The following FANCL variants were observed in gnomAD, a reference collection of about 807,000 sequenced individuals.
FANCL encodes the protein E3 ubiquitin-protein ligase FANCL.
FANCL carries 69 observed loss-of-function variants against 59.4 expected under a neutral mutation model. The ratio of observed to expected loss-of-function variants is 1.16; its 90% CI spans 0.96 to 1.42. The LOEUF (loss-of-function observed/expected upper bound fraction) is 1.42, where lower values mean the gene tolerates loss of function less well. FANCL is among the 40% of genes most tolerant of loss of function. The pLI, the probability that FANCL is intolerant of heterozygous loss-of-function variation, is 0.00. For missense variants in FANCL, 519 were observed against 447.2 expected (o/e 1.16, Z -1.45); for synonymous variants, 180 against 147.1 (o/e 1.22, Z -1.62).
intron 4 of FANCL, among the ~76,000 whole-genome samples, chr2:58,224,491 T>C (rs1692786275): frequency 6.6e-6 from 1 of 151,810 alleles, no homozygotes; most frequent in Admixed American, 6.6e-5. Context: ...TTTAAACTAT[T>C]ATTCTAATCT....
chr2:58,235,169 G>C (rs1693903454), intron 1 of FANCL, among the ~76,000 whole-genome samples: 1 of 151,866 alleles, frequency 6.6e-6, no homozygotes, highest in African/African-American at 2.4e-5. Flanking sequence ...GAAATGCATG[G>C]AGAGTAGAGA....
chr2:58,212,927 A>G (rs914337961), intron 5 of FANCL, among the ~76,000 whole-genome samples: 2 of 152,220 alleles, frequency 1.3e-5, no homozygotes, highest in African/African-American at 4.8e-5. Context: ...CTAAGGAAAG[A>G]AAGGGAAGCT....
chr2:58,236,420 T>A (rs750596891), intron 1 of FANCL, among the ~76,000 whole-genome samples: 134 of 151,316 alleles, frequency 8.9e-4, no homozygotes, highest in African/African-American at 3.1e-3. Context: ...AGGCAGACCA[T>A]GATAGATTTA....
At chr2:58,167,979 A>G (rs1382108342) in intron 7 of FANCL, among the ~76,000 whole-genome samples, 1 of 152,212 alleles carries the variant, frequency 6.6e-6, no homozygotes, top group Non-Finnish European at 1.5e-5. Flanking sequence ...CCCAAATTGA[A>G]AAAAATAAAT....
chr2:58,183,118 A>G (rs1442349001), intron 7 of FANCL, among the ~76,000 whole-genome samples: 1 of 151,844 alleles, frequency 6.6e-6, no homozygotes, highest in Admixed American at 6.6e-5. Flanking sequence ...CAATAGCAAA[A>G]TATCTGTACC....
rs1689469704 is a variant in FANCL at position 58,196,784 on chromosome 2, A to T, written c.540+1810T>A. On this transcript the variant is annotated intron_variant, in intron 7 of 13. Coordinates refer to ENST00000233741, the MANE Select transcript of FANCL (RefSeq NM_018062.4). Reference sequence around the variant, plus strand: ...ACATCTAAAACACAAAGAAACTCATAAACAGTGTATTTTTCAACCTTGGAA... The same window carrying T: ...ACATCTAAAACACAAAGAAACTCATTAACAGTGTATTTTTCAACCTTGGAA... Among the ~76,000 whole-genome samples the T allele has an allele frequency of 2.0e-5, 3 of 151,928 alleles. No individual in the cohort carries two copies. The South Asian group carries it at 6.2e-4, about 31-fold the overall frequency.
rs534593434 is a variant in FANCL, at chr2:58,215,888, C to G, written c.374+6054G>C. Among the ~76,000 whole-genome samples the G allele has an allele frequency of 4.0e-5, 6 of 151,358 alleles. No individual in the cohort carries two copies. In the East Asian group the frequency reaches 7.8e-4, roughly 20 times the overall value. On this transcript the variant is annotated intron_variant, in intron 5 of 13. Transcript: ENST00000233741. The stretch of plus-strand genomic sequence containing the variant: ...GGGAATAAGAGGATAAAAAGTCAAG[C>G]AGAAAGGCAATGAAAAACAAGATTT...
Position 58,204,032 on chromosome 2 carries a change from T to A in FANCL, c.471+98A>T, listed in dbSNP as rs896666790. ...TGTTTTAAAGCATGATATATGTATT[T>A]TTAGATGTAACTAGCACTTCTTTAC... is the stretch of plus-strand genomic sequence containing the variant. On this transcript the variant is annotated intron_variant, in intron 6 of 13. Coordinates refer to ENST00000233741, the MANE Select transcript of FANCL (RefSeq NM_018062.4). The A allele has an allele frequency of 3.3e-6, 3 of 921,344 alleles. No individual in the cohort carries two copies. The African/African-American group carries it at 4.9e-5, about 15-fold the overall frequency. 57.1% of individuals were successfully genotyped at this position (921,344 alleles called of 1,614,324 possible).
intron 7 of FANCL, among the ~76,000 whole-genome samples, chr2:58,168,350 G>C (rs1573542209): frequency 1.3e-5 from 2 of 152,284 alleles, no homozygotes; most frequent in African/African-American, 4.8e-5. Context: ...GCAAGGGGTT[G>C]GGGAGCTCCC....
chr2:58,232,742 G>C (rs1444452425), intron 1 of FANCL, among the ~76,000 whole-genome samples: 1 of 151,884 alleles, frequency 6.6e-6, no homozygotes, highest in African/African-American at 2.4e-5. Flanking sequence ...TCTAAGAGAA[G>C]AAAGACCTCT....
At chr2:58,233,577 G>C (rs959163979) in intron 1 of FANCL, among the ~76,000 whole-genome samples, 1 of 151,872 alleles carries the variant, frequency 6.6e-6, no homozygotes, top group African/African-American at 2.4e-5. Context: ...TCAGCCAGAA[G>C]ACAGGGTACA....
chr2:58,238,021 C>T (rs1281411083), intron 1 of FANCL, among the ~76,000 whole-genome samples: 1 of 152,188 alleles, frequency 6.6e-6, no homozygotes, highest in East Asian at 1.9e-4. Context: ...CAAACTGAGG[C>T]CTCATGGCCA....
chr2:58,217,215 T>C (rs201266814), intron 5 of FANCL, among the ~76,000 whole-genome samples: 68 of 20,834 alleles, frequency 3.3e-3, no homozygotes, highest in East Asian at 0.021. Context: ...TATATATATA[T>C]ACACACACAC....
intron 7 of FANCL, among the ~76,000 whole-genome samples, chr2:58,168,993 C>A (rs943180973): frequency 6.6e-6 from 1 of 152,100 alleles, no homozygotes; most frequent in African/African-American, 2.4e-5. Context: ...GGACAGAGCA[C>A]GTGGGGAAAG....
chr2:58,216,039 C>CA (rs1260827304), intron 5 of FANCL, among the ~76,000 whole-genome samples: 1 of 152,060 alleles, frequency 6.6e-6, no homozygotes, highest in African/African-American at 2.4e-5. Context: ...GCAATGCTAA[C>CA]AAAAAGTGAT....
chr2:58,222,300 T>C lies in FANCL; in HGVS notation c.274-258A>G, dbSNP rs115481403. On this transcript the variant is annotated intron_variant, in intron 4 of 13. Coordinates refer to ENST00000233741, the MANE Select transcript of FANCL (RefSeq NM_018062.4). ...GAGATTTTAATATTCTCCTGGACTA[T>C]TATGCCTATCGGAGATAAAAAAAAA... 0.011 allele frequency among the ~76,000 whole-genome samples: 1,538 copies of C among 142,276 alleles called. 30 individuals carry two copies. The highest frequency in any genetic ancestry group is 0.041 in the African/African-American group (1,472 of 36,128). The allele number at this position is 142,276 out of a possible 152,430, so 93.3% of individuals were successfully genotyped here. A position where few individuals can be genotyped will look rare whatever the true frequency, so the allele number is the denominator to read the frequency against.
chr2:58,215,083 C>A (rs895342320), intron 5 of FANCL, among the ~76,000 whole-genome samples: 1 of 152,174 alleles, frequency 6.6e-6, no homozygotes, highest in African/African-American at 2.4e-5. Flanking sequence ...TCCAACTATG[C>A]TCTAAAAAAC....
At chr2:58,166,568 G>C (rs1685973534) in intron 7 of FANCL, among the ~76,000 whole-genome samples, 1 of 152,008 alleles carries the variant, frequency 6.6e-6, no homozygotes, top group African/African-American at 2.4e-5. Context: ...TTAAACAAAG[G>C]AGTTTCTCAT....
At chr2:58,176,069 C>A (rs1687265671) in intron 7 of FANCL, among the ~76,000 whole-genome samples, 1 of 151,852 alleles carries the variant, frequency 6.6e-6, no homozygotes, top group Non-Finnish European at 1.5e-5. Flanking sequence ...ATCCAACTTA[C>A]AAGGGATGTG....
Sources: gnomAD v4.1 joint callset for allele counts (sites outside exome capture counted in the v4.1 genomes callset) on GRCh38, gnomAD v4.1.1 for gene constraint, MANE v1.5 for transcripts, NCBI Gene and HGNC (gene_info 2026-07-23, HGNC 2026-07-21) for gene names.